The following NFIA variants were observed in gnomAD, a reference collection of about 807,000 sequenced individuals.
NFIA encodes nuclear factor 1 A-type.
A neutral mutation model predicts 62.8 loss-of-function variants in NFIA; 8 were observed. The observed-to-expected ratio is 0.13, with a 90% CI of 0.07 to 0.23. The LOEUF (loss-of-function observed/expected upper bound fraction) is 0.23, where lower values mean the gene tolerates loss of function less well. NFIA is among the 10% of genes least tolerant of loss of function. NFIA has a pLI of 1.00. For missense variants in NFIA, 410 were observed against 642.1 expected, an observed-to-expected ratio of 0.64 and a Z score of 3.91; for synonymous variants, 235 against 238.1, an observed-to-expected ratio of 0.99 and a Z score of 0.12.
At chr1:61,455,200 C>G in intron 10 of NFIA, 103 bp from the exon 11 acceptor site, 1 of 1,167,484 alleles carries the variant, frequency 8.6e-7, no homozygotes, top group Non-Finnish European at 1.3e-6. Context: ...ATCCCTCCCG[C>G]ATCCCTAACG....
At chr1:61,105,925 C>G (rs1396155920) in intron 2 of NFIA, among the ~76,000 whole-genome samples, 1 of 151,648 alleles carries the variant, frequency 6.6e-6, no homozygotes, top group African/African-American at 2.4e-5. Flanking sequence ...TAAATTCATC[C>G]TTGACTGTCG....
chr1:61,162,485 G>A (rs1649281599), intron 2 of NFIA, among the ~76,000 whole-genome samples: 1 of 152,296 alleles, frequency 6.6e-6, no homozygotes, highest in African/African-American at 2.4e-5. Flanking sequence ...TGAGTCTTGG[G>A]AAGGCTGTGT....
At chr1:61,424,343 C>CG (rs1666769245) in intron 9 of NFIA, among the ~76,000 whole-genome samples, 2 of 150,916 alleles carry the variant, frequency 1.3e-5, no homozygotes, top group Non-Finnish European at 3.0e-5. Context: ...AAAATGACAC[C>CG]CCCCCCTCAA....
chr1:61,328,249 C>G (rs911080947), intron 3 of NFIA, among the ~76,000 whole-genome samples: 3 of 152,036 alleles, frequency 2.0e-5, no homozygotes, highest in Non-Finnish European at 2.9e-5. Context: ...CAACATCTTG[C>G]TCTTTCCTGC....
intron 3 of NFIA, among the ~76,000 whole-genome samples, chr1:61,305,605 G>A (rs1293569250): frequency 1.3e-5 from 2 of 152,160 alleles, no homozygotes; most frequent in Non-Finnish European, 2.9e-5. Context: ...AAGCCCCCAT[G>A]TAAGCATTTG....
chr1:61,319,319 A>G (rs899404138), intron 3 of NFIA, among the ~76,000 whole-genome samples: 2 of 152,198 alleles, frequency 1.3e-5, no homozygotes, highest in Admixed American at 6.5e-5. Context: ...GAAATTATAC[A>G]TATGTTTGTG....
chr1:61,441,331 G>GTGTCTGTCTGTCTGTC (rs1188222630), intron 10 of NFIA, among the ~76,000 whole-genome samples: 4 of 142,346 alleles, frequency 2.8e-5, no homozygotes, highest in African/African-American at 1.1e-4. Context: ...GTGTGTGTGT[G>GTGTCTGTCTGTCTGTC]TGTCTGTCTG....
At chr1:61,083,212 C>CCGGAA (rs1646149391) in intron 1 of NFIA, among the ~76,000 whole-genome samples, 1 of 152,042 alleles carries the variant, frequency 6.6e-6, no homozygotes, top group Non-Finnish European at 1.5e-5. Flanking sequence ...AGCGTTTCTG[C>CCGGAA]TGCCGGGAGC....
intron 2 of NFIA, among the ~76,000 whole-genome samples, chr1:61,196,247 G>T (rs1158958009): frequency 6.6e-6 from 1 of 152,068 alleles, no homozygotes; most frequent in Non-Finnish European, 1.5e-5. Flanking sequence ...ATTTGATTTG[G>T]ATAAGAAATT....
intron 2 of NFIA, among the ~76,000 whole-genome samples, chr1:61,185,591 A>T (rs1651112750): frequency 6.6e-6 from 1 of 150,582 alleles, no homozygotes; most frequent in African/African-American, 2.5e-5. Flanking sequence ...CTGCAAAGAC[A>T]CTGCATGATC....
At chr1:61,371,951 G>A (rs1036727206) in intron 6 of NFIA, among the ~76,000 whole-genome samples, 7 of 152,074 alleles carry the variant, frequency 4.6e-5, no homozygotes, top group African/African-American at 1.2e-4. Flanking sequence ...AGAAGAAGCC[G>A]CAAAAGATGA....
At chr1:61,192,280 G>C (rs370633122) in intron 2 of NFIA, among the ~76,000 whole-genome samples, 1 of 151,944 alleles carries the variant, frequency 6.6e-6, no homozygotes, top group East Asian at 1.9e-4. Flanking sequence ...CACTGCACCC[G>C]GCCAAAAAAT....
chr1:61,210,367 C>T (rs1196478112), intron 2 of NFIA, among the ~76,000 whole-genome samples: 1 of 152,046 alleles, frequency 6.6e-6, no homozygotes, highest in Non-Finnish European at 1.5e-5. Flanking sequence ...ACACAAAAAC[C>T]ATTTCTTTGA....
At chr1:61,213,147 T>A (rs1557640403) in intron 2 of NFIA, among the ~76,000 whole-genome samples, 1 of 152,142 alleles carries the variant, frequency 6.6e-6, no homozygotes. Flanking sequence ...ATAATGAAAT[T>A]TTAAATTTAA....
At position 61,138,169 on chromosome 1, in the gene NFIA, C is replaced by G. The variant is rs186703479; in HGVS notation, c.559+49489C>G. Among the ~76,000 whole-genome samples, 4 of 152,132 alleles carry G rather than the reference C, an allele frequency of 2.6e-5. No individual in the cohort carries two copies. In the East Asian group the frequency reaches 7.7e-4, roughly 29 times the overall value. On this transcript the variant is annotated intron_variant, in intron 2 of 10. Coordinates refer to ENST00000403491, the MANE Select transcript of NFIA (RefSeq NM_001134673.4). ...GGAGTACATTGGTGAGATAATGGCT[C>G]GCTGCAGCCTTGACCTCCCAGGCTC...
chr1:61,409,523 T>A (rs1666001688), intron 9 of NFIA, among the ~76,000 whole-genome samples: 1 of 152,242 alleles, frequency 6.6e-6, no homozygotes. Flanking sequence ...GCCCTCATTT[T>A]AAAATATCGT....
chr1:61,285,519 A>G (rs1658430166), intron 3 of NFIA, among the ~76,000 whole-genome samples: 1 of 152,150 alleles, frequency 6.6e-6, no homozygotes, highest in Admixed American at 6.5e-5. Context: ...AGAAAAATTC[A>G]TGTGGCCACA....
chr1:61,223,637 TTG>T (rs1654153550), intron 2 of NFIA, among the ~76,000 whole-genome samples: 1 of 152,116 alleles, frequency 6.6e-6, no homozygotes, highest in Non-Finnish European at 1.5e-5. Context: ...GATTCCAGAA[TTG>T]TTTTTTTGTA....
chr1:61,243,426 C>G (rs1479954739), intron 2 of NFIA, among the ~76,000 whole-genome samples: 1 of 152,138 alleles, frequency 6.6e-6, no homozygotes, highest in African/African-American at 2.4e-5. Flanking sequence ...ACAAGGAACT[C>G]AAATAAAACC....
Sources: allele counts gnomAD v4.1 joint callset (sites outside exome capture counted in the v4.1 genomes callset), GRCh38; gene constraint gnomAD v4.1.1; transcripts MANE v1.5; gene names NCBI Gene and HGNC (gene_info 2026-07-23, HGNC 2026-07-21).